FSIP2: variants seen among roughly 807,000 people sequenced by gnomAD.
The protein encoded by FSIP2 is fibrous sheath interacting protein 2.
In FSIP2, 367 loss-of-function variants were observed where a neutral mutation model predicts 510.5. The observed-to-expected ratio is 0.72, with a 90% CI of 0.66 to 0.78. The LOEUF (loss-of-function observed/expected upper bound fraction) is 0.78, where lower values mean the gene tolerates loss of function less well. Among genes scored for constraint, FSIP2 ranks in the 30% least tolerant of loss-of-function variants. The probability of loss-of-function intolerance (pLI) is 0.00; values close to 1 mark genes in which losing one functional copy is unlikely to be tolerated. For synonymous variants in FSIP2, 2,601 were observed against 2,732.2 expected, an observed-to-expected ratio of 0.95 and a Z score of 1.50; for missense variants, 7,594 against 7,901.7, an observed-to-expected ratio of 0.96 and a Z score of 1.48.
intron 5 of FSIP2, among the ~76,000 whole-genome samples, chr2:185,745,826 G>T (rs996188690): frequency 6.6e-6 from 1 of 152,040 alleles, no homozygotes; most frequent in Non-Finnish European, 1.5e-5. Context: ...TTAGAATATA[G>T]AAACAATATA....
intron 9 of FSIP2, among the ~76,000 whole-genome samples, chr2:185,758,382 T>C (rs1259122222): frequency 6.6e-6 from 1 of 151,218 alleles, no homozygotes; most frequent in East Asian, 1.9e-4. Context: ...CCCCAGAAAC[T>C]TACTAACAGC....
chr2:185,813,520 A>G, intron 17 of FSIP2, 25 bp from the exon 18 acceptor site: 3 of 1,433,342 alleles, frequency 2.1e-6, no homozygotes, highest in East Asian at 2.4e-5. Context: ...TTTGATTTTA[A>G]TATTTGCTAT....
At chr2:185,743,939 GT>G (rs1341813940) in intron 3 of FSIP2, among the ~76,000 whole-genome samples, 1 of 152,048 alleles carries the variant, frequency 6.6e-6, no homozygotes, top group South Asian at 2.1e-4. Context: ...GGCTAAAGCT[GT>G]GTTCCTGCAT....
Position 185,796,063 on chromosome 2 carries a change from C to T in FSIP2, c.8927C>T (p.Thr2976Ile). 3 of 1,531,310 alleles carry T rather than the reference C, an allele frequency of 2.0e-6. No individual in the cohort carries two copies. The highest frequency in any genetic ancestry group is 2.6e-6 in the Non-Finnish European group (3 of 1,145,194). 94.9% of individuals were successfully genotyped at this position (1,531,310 alleles called of 1,614,324 possible). ...AGTTTACCAATCTATAACACAAAGA[C>T]AAAAGACCAAATTTCTGTGGGCTCC... ...LSSLPIYNTKTKDQISVGSSN... is the reference protein window; with the variant it reads ...LSSLPIYNTKIKDQISVGSSN... The change falls in exon 16 of 23, where the codon ACA becomes ATA. Residue 2976 changes from threonine to isoleucine, a missense_variant. Thr to Ile is a moderately conservative substitution (Grantham distance 89, BLOSUM62 -1). Coordinates refer to ENST00000424728, the MANE Select transcript of FSIP2 (RefSeq NM_173651.4).
In FSIP2 at chr2:185,803,243, C is replaced by G; in HGVS notation, c.13937C>G (p.Ser4646Cys). 6.5e-7 allele frequency: 1 copy of G among 1,526,876 alleles called. No individual in the cohort carries two copies. Among genetic ancestry groups the G allele is most frequent in the Non-Finnish European group, 8.7e-7 (1 of 1,143,062 alleles). The allele number at this position is 1,526,876 out of a possible 1,614,324, so 94.6% of individuals were successfully genotyped here. ...GTAGTAGGCATTGTACAAACAAAATCCATAAGAGATTCAGAAGATGAACTG... is the reference window on the plus strand; with the variant it reads ...GTAGTAGGCATTGTACAAACAAAATGCATAAGAGATTCAGAAGATGAACTG... ...HRVVGIVQTK[S>C]IRDSEDELFE... The change falls in exon 17 of 23, where the codon TCC becomes TGC. Residue 4646 changes from serine to cysteine, a missense_variant. By Grantham distance (112) the Ser-to-Cys change is moderately radical. Transcript: ENST00000424728.
At chr2:185,766,548 C>G (rs1256023268) in intron 13 of FSIP2, 1 of 146,782 alleles carries the variant, frequency 6.8e-6, no homozygotes, top group African/African-American at 2.5e-5. Context: ...ATTTATGCAG[C>G]CAAAAAACAC....
Position 185,793,460 on chromosome 2 carries a change from G to C in FSIP2, c.6324G>C (p.Gln2108His). 1.3e-6 allele frequency: 2 copies of C among 1,534,354 alleles called. No individual in the cohort carries two copies. The highest frequency in any genetic ancestry group is 1.7e-6 in the Non-Finnish European group (2 of 1,145,662). Residue 2108 changes from glutamine (Q) to histidine (H), a missense_variant, in exon 16 of 23, where the codon CAG (glutamine) becomes CAC (histidine). Physicochemically the swap from Gln to His is conservative, Grantham distance 24. Coordinates refer to ENST00000424728, the MANE Select transcript of FSIP2 (RefSeq NM_173651.4). The part of the protein sequence containing the change: ...LCDIYEKTLF[Q>H]NNLSFATPTL... Reference sequence around the variant, plus strand: ...ATATTTATGAAAAAACCCTGTTTCAGAATAATCTCTCATTTGCCACACCCA... The same window carrying C: ...ATATTTATGAAAAAACCCTGTTTCACAATAATCTCTCATTTGCCACACCCA...
intron 14 of FSIP2, among the ~76,000 whole-genome samples, chr2:185,784,809 A>C (rs1692929305): frequency 1.3e-5 from 2 of 152,094 alleles, no homozygotes; most frequent in Non-Finnish European, 2.9e-5. Flanking sequence ...AATTAATTAG[A>C]GCCCCAGAAA....
intron 19 of FSIP2, among the ~76,000 whole-genome samples, chr2:185,817,605 T>G (rs944296891): frequency 3.9e-5 from 6 of 152,014 alleles, no homozygotes; most frequent in African/African-American, 1.4e-4. Context: ...TAGTAAATAT[T>G]TTCCACATCA....
intron 13 of FSIP2, among the ~76,000 whole-genome samples, chr2:185,771,119 A>G (rs776140842): frequency 2.0e-5 from 3 of 152,204 alleles, no homozygotes; most frequent in Non-Finnish European, 4.4e-5. Context: ...TGGAACCCCC[A>G]TGGCTTCTGT....
In FSIP2 at chr2:185,805,925, C is replaced by A; in HGVS notation, c.16619C>A (p.Thr5540Asn). ...QKHSENVSKV[T>N]STTTVKSKDT... ...CATAGTGAGAATGTATCAAAAGTTA[C>A]TTCAACTACCACTGTGAAAAGTAAA... The change falls in exon 17 of 23, where the codon ACT becomes AAT. Residue 5540 changes from threonine to asparagine, a missense_variant. Thr to Asn is a moderately conservative substitution (Grantham distance 65). Coordinates refer to ENST00000424728, the MANE Select transcript of FSIP2 (RefSeq NM_173651.4). 2 of 1,594,696 alleles carry A rather than the reference C, an allele frequency of 1.3e-6. No individual in the cohort carries two copies. The highest frequency in any genetic ancestry group is 2.3e-5 in the South Asian group (2 of 86,624).
chr2:185,817,280 T>C (rs1285290869), intron 19 of FSIP2, among the ~76,000 whole-genome samples: 1 of 152,020 alleles, frequency 6.6e-6, no homozygotes, highest in Non-Finnish European at 1.5e-5. Flanking sequence ...GTGTTATAGT[T>C]TGGTTCTAAG....
chr2:185,832,262 A>G (rs903208085), intron 22 of FSIP2, among the ~76,000 whole-genome samples: 2 of 151,926 alleles, frequency 1.3e-5, no homozygotes, highest in African/African-American at 2.4e-5. Flanking sequence ...ATCATTGTCT[A>G]CACACACAAA....
In FSIP2 at chr2:185,802,411, A is replaced by G. The variant is rs750022294; in HGVS notation, c.13105A>G (p.Ile4369Val). The part of the protein sequence containing the change: ...EQAFFSFNTD[I>V]VDELATSVYR... ...GGCTTTCTTTTCTTTCAATACAGAT[A>G]TTGTGGATGAACTTGCCACCTCAGT... Residue 4369 changes from isoleucine (I) to valine (V), a missense_variant, in exon 17 of 23, where the codon ATT (isoleucine) becomes GTT (valine). By Grantham distance (29) the Ile-to-Val change is conservative. Coordinates refer to ENST00000424728, the MANE Select transcript of FSIP2 (RefSeq NM_173651.4). 2.0e-6 allele frequency: 3 copies of G among 1,533,778 alleles called. No individual in the cohort carries two copies. The South Asian group carries it at 3.6e-5, about 18-fold the overall frequency.
In FSIP2 at chr2:185,806,617, C is replaced by G; in HGVS notation, c.17311C>G (p.Pro5771Ala). Residue 5771 changes from proline (P) to alanine (A), a missense_variant, in exon 17 of 23, where the codon CCT (proline) becomes GCT (alanine). Transcript: ENST00000424728. Reference protein sequence around the residue: ...IKSEPSKPDDPQNQRESKPGI... With the variant: ...IKSEPSKPDDAQNQRESKPGI... ...AAGTGAACCCAGTAAACCAGATGATCCTCAAAACCAACGAGAAAGTAAACC... is the reference window on the plus strand; with the variant it reads ...AAGTGAACCCAGTAAACCAGATGATGCTCAAAACCAACGAGAAAGTAAACC... 1 of 1,608,642 alleles carries G rather than the reference C, an allele frequency of 6.2e-7. No homozygotes were observed. Among genetic ancestry groups the G allele is most frequent in the Non-Finnish European group, 8.5e-7 (1 of 1,178,014 alleles).
intron 9 of FSIP2, among the ~76,000 whole-genome samples, chr2:185,759,912 T>C (rs926420428): frequency 6.7e-6 from 1 of 150,296 alleles, no homozygotes; most frequent in African/African-American, 2.4e-5. Context: ...GTCTAGAGCT[T>C]TTTTGTGGAA....
rs1031456591 is a variant in FSIP2 at position 185,795,178 on chromosome 2, A to C, written c.8042A>C (p.His2681Pro). 35 of 1,534,758 alleles carry C rather than the reference A, an allele frequency of 2.3e-5. No individual in the cohort carries two copies. Among genetic ancestry groups the C allele is most frequent in the Non-Finnish European group, 2.9e-5 (33 of 1,146,148 alleles). The part of the protein sequence containing the change: ...TTLPKFTKKT[H>P]LGLSAAKAKS... ...TTGCCTAAATTTACAAAAAAAACACACTTAGGACTGAGTGCTGCTAAGGCC... is the reference window on the plus strand; with the variant it reads ...TTGCCTAAATTTACAAAAAAAACACCCTTAGGACTGAGTGCTGCTAAGGCC... The change falls in exon 16 of 23, where the codon CAC becomes CCC. Residue 2681 changes from histidine to proline, a missense_variant. Coordinates refer to ENST00000424728, the MANE Select transcript of FSIP2 (RefSeq NM_173651.4).
At chr2:185,774,430 T>C (rs1692674724) in intron 13 of FSIP2, among the ~76,000 whole-genome samples, 1 of 152,222 alleles carries the variant, frequency 6.6e-6, no homozygotes, top group Non-Finnish European at 1.5e-5. Context: ...ACTTTATCTT[T>C]ATCCCTTTGT....
At chr2:185,784,751 T>A (rs1025853577) in intron 14 of FSIP2, among the ~76,000 whole-genome samples, 3 of 152,074 alleles carry the variant, frequency 2.0e-5, no homozygotes, top group African/African-American at 7.2e-5. Flanking sequence ...ATTACCTAGA[T>A]TCACTGTTTT....
Sources: gnomAD v4.1 joint callset for allele counts (sites outside exome capture counted in the v4.1 genomes callset) on GRCh38, gnomAD v4.1.1 for gene constraint, MANE v1.5 for transcripts, NCBI Gene and HGNC (gene_info 2026-07-23, HGNC 2026-07-21) for gene names.